Variants in FRMD4B observed in about 807,000 individuals in gnomAD.
FRMD4B encodes the protein FERM domain containing 4B, also known as FERM domain-containing protein 4B.
FRMD4B carries 74 observed loss-of-function variants against 141.5 expected under a neutral mutation model. The observed-to-expected ratio is 0.52, with a 90% CI of 0.43 to 0.63. The LOEUF (loss-of-function observed/expected upper bound fraction) is 0.63. FRMD4B is among the 30% of genes least tolerant of loss of function. FRMD4B has a pLI of 0.00. For missense variants in FRMD4B, 1,366 were observed against 1,253.4 expected (o/e 1.09, Z -1.36); for synonymous variants, 506 against 467.9 (o/e 1.08, Z -1.05).
At chr3:69,240,834 A>C (rs1253269730) in intron 7 of FRMD4B, among the ~76,000 whole-genome samples, 1 of 152,206 alleles carries the variant, frequency 6.6e-6, no homozygotes, top group East Asian at 1.9e-4. Flanking sequence ...GGGAATGTAG[A>C]ATTCTCCCTC....
chr3:69,344,995 C>G (rs1226464486), intron 1 of FRMD4B, among the ~76,000 whole-genome samples: 1 of 140,414 alleles, frequency 7.1e-6, no homozygotes, highest in Non-Finnish European at 1.6e-5. Context: ...GGGTGCAGGA[C>G]AGTGGGTGCA....
chr3:69,540,613 T>TAAAAAAAAAAAA (rs1157655761), intron 1 of FRMD4B, among the ~76,000 whole-genome samples: 1 of 14,010 alleles, frequency 7.1e-5, no homozygotes, highest in African/African-American at 3.8e-4. Flanking sequence ...ACTCTGTCTC[T>TAAAAAAAAAAAA]AAAAAAAAAA....
chr3:69,380,139 T>C (rs1460014290), intron 1 of FRMD4B, among the ~76,000 whole-genome samples: 1 of 152,230 alleles, frequency 6.6e-6, no homozygotes, highest in African/African-American at 2.4e-5. Context: ...CAAGATTGTC[T>C]CTTCAGAGAC....
chr3:69,230,829 T>C (rs1467871684), intron 7 of FRMD4B, among the ~76,000 whole-genome samples: 1 of 151,992 alleles, frequency 6.6e-6, no homozygotes, highest in East Asian at 1.9e-4. Flanking sequence ...ATGCTTAAAC[T>C]GTAATGTATT....
intron 21 of FRMD4B, among the ~76,000 whole-genome samples, chr3:69,177,714 C>G (rs1298296052): frequency 2.0e-5 from 3 of 152,106 alleles, no homozygotes; most frequent in Admixed American, 2.0e-4. Flanking sequence ...AGCAAGAAAA[C>G]AATTCTCATA....
At chr3:69,486,626 A>C (rs1172880355) in intron 1 of FRMD4B, among the ~76,000 whole-genome samples, 3 of 152,174 alleles carry the variant, frequency 2.0e-5, no homozygotes, top group African/African-American at 7.2e-5. Context: ...CTTGGAAAGA[A>C]AAGGGGGGAA....
intron 5 of FRMD4B, among the ~76,000 whole-genome samples, chr3:69,283,735 CTG>C (rs1474159479): frequency 6.6e-6 from 1 of 152,212 alleles, no homozygotes; most frequent in Non-Finnish European, 1.5e-5. Flanking sequence ...TCAGTAAATG[CTG>C]TGTTTGAAAA....
upstream of FRMD4B, among the ~76,000 whole-genome samples, chr3:69,387,387 C>A (rs1369914032): frequency 6.6e-6 from 1 of 152,132 alleles, no homozygotes; most frequent in Non-Finnish European, 1.5e-5. Flanking sequence ...AAAGTGCTAG[C>A]GTTACAGACA....
At chr3:69,478,168 T>C (rs190544638) in intron 1 of FRMD4B, among the ~76,000 whole-genome samples, 1 of 152,188 alleles carries the variant, frequency 6.6e-6, no homozygotes, top group Non-Finnish European at 1.5e-5. Flanking sequence ...CCTGGATTTA[T>C]TGATTTTTTG....
intron 11 of FRMD4B, among the ~76,000 whole-genome samples, chr3:69,199,527 G>A (rs2092945979): frequency 1.3e-5 from 2 of 152,234 alleles, no homozygotes; most frequent in African/African-American, 2.4e-5. Context: ...GAACCCCCAT[G>A]CAGGGGTGAT....
At chr3:69,416,573 G>A (rs140736363) in intron 2 of FRMD4B, among the ~76,000 whole-genome samples, 61 of 152,184 alleles carry the variant, frequency 4.0e-4, no homozygotes, top group African/African-American at 1.4e-3. Context: ...TGGGATACAC[G>A]TGCAGAATGT....
intron 1 of FRMD4B, among the ~76,000 whole-genome samples, chr3:69,506,273 C>G (rs1033634920): frequency 1.3e-5 from 2 of 152,048 alleles, no homozygotes; most frequent in East Asian, 1.9e-4. Context: ...CTGGCGGGGA[C>G]TCATAAGTGT....
chr3:69,401,269 A>G (rs1188276101), intron 2 of FRMD4B, among the ~76,000 whole-genome samples: 1 of 152,200 alleles, frequency 6.6e-6, no homozygotes, highest in Admixed American at 6.5e-5. Flanking sequence ...ATATGGAGGA[A>G]GACCCTCTTC....
At chr3:69,402,477 T>C (rs1704580689) in intron 2 of FRMD4B, among the ~76,000 whole-genome samples, 1 of 152,240 alleles carries the variant, frequency 6.6e-6, no homozygotes, top group African/African-American at 2.4e-5. Context: ...ACCCAATTAA[T>C]GTGTGGGTTC....
chr3:69,474,596 T>G (rs1705951405), intron 1 of FRMD4B, among the ~76,000 whole-genome samples: 1 of 152,182 alleles, frequency 6.6e-6, no homozygotes, highest in Non-Finnish European at 1.5e-5. Flanking sequence ...CTTCATATAT[T>G]ATTACAACAG....
At chr3:69,301,673 TA>T (rs953414815) in intron 4 of FRMD4B, among the ~76,000 whole-genome samples, 1 of 151,930 alleles carries the variant, frequency 6.6e-6, no homozygotes, top group Non-Finnish European at 1.5e-5. Flanking sequence ...GAATGTGAAC[TA>T]AAAAAAATAG....
intron 1 of FRMD4B, among the ~76,000 whole-genome samples, chr3:69,461,999 A>G (rs12054445): frequency 0.27 from 41,634 of 152,086 alleles, 6,063 homozygotes; most frequent in East Asian, 0.49. Context: ...TATTATCCCA[A>G]TGAATCCTCA....
chr3:69,359,942 G>A (rs1042705406), intron 1 of FRMD4B, among the ~76,000 whole-genome samples: 1 of 152,208 alleles, frequency 6.6e-6, no homozygotes, highest in Non-Finnish European at 1.5e-5. Flanking sequence ...CCAGTTGGGG[G>A]TAGAAGAACA....
In FRMD4B at chr3:69,248,248, C is replaced by CACAT. The variant is rs1217618182; in HGVS notation, c.581+977_581+978insATGT. Among the ~76,000 whole-genome samples, 108 of 151,776 alleles carry CACAT rather than the reference C, an allele frequency of 7.1e-4. 1 individual carries two copies. Among genetic ancestry groups the CACAT allele is most frequent in the African/African-American group, 2.5e-3 (104 of 41,354 alleles). On this transcript the variant is annotated intron_variant, in intron 7 of 22. Transcript: ENST00000398540. ...CTTAACCTAGAAAAATGTAAATACA[C>CACAT]ACACACACACACAAATATATATATA...
Sources: gnomAD v4.1 joint callset for allele counts (sites outside exome capture counted in the v4.1 genomes callset) on GRCh38, gnomAD v4.1.1 for gene constraint, MANE v1.5 for transcripts, NCBI Gene and HGNC (gene_info 2026-07-23, HGNC 2026-07-21) for gene names.